Variants in CSNK1G1 observed in about 807,000 individuals in gnomAD.
The protein encoded by CSNK1G1 is casein kinase 1 gamma 1, also known as casein kinase I isoform gamma-1.
CSNK1G1 carries 22 observed loss-of-function variants against 59.6 expected under a neutral mutation model. The observed-to-expected ratio is 0.37, with a 90% confidence interval of 0.26 to 0.53. The LOEUF (loss-of-function observed/expected upper bound fraction) is 0.53, where lower values mean the gene tolerates loss of function less well. CSNK1G1 is among the 20% of genes least tolerant of loss of function. CSNK1G1 has a pLI of 0.89. For synonymous variants in CSNK1G1, 179 were observed against 177.1 expected, an observed-to-expected ratio of 1.01 and a Z score of -0.08; for missense variants, 384 against 519.5, an observed-to-expected ratio of 0.74 and a Z score of 2.54.
chr15:64,178,086 C>A (rs2081762255), intron 11 of CSNK1G1, among the ~76,000 whole-genome samples: 2 of 152,172 alleles, frequency 1.3e-5, no homozygotes, highest in Non-Finnish European at 2.9e-5. Context: ...TAAATTAAAT[C>A]AGAATGCCTG....
chr15:64,266,572 T>C (rs1022901012), intron 2 of CSNK1G1, among the ~76,000 whole-genome samples: 5 of 152,066 alleles, frequency 3.3e-5, no homozygotes, highest in Non-Finnish European at 7.4e-5. Context: ...AAAATAATCT[T>C]GGGCAAAAAG....
At chr15:64,284,501 T>C (rs998525102) in intron 2 of CSNK1G1, among the ~76,000 whole-genome samples, 5 of 152,146 alleles carry the variant, frequency 3.3e-5, no homozygotes, top group Non-Finnish European at 5.9e-5. Context: ...GACAATACTT[T>C]ATAGTTTTCA....
intron 10 of CSNK1G1, among the ~76,000 whole-genome samples, chr15:64,186,919 G>T (rs1460315013): frequency 6.6e-6 from 1 of 150,508 alleles, no homozygotes; most frequent in Non-Finnish European, 1.5e-5. Flanking sequence ...TGCCTCCCAG[G>T]TTCAAGCGTT....
At chr15:64,252,608 C>A (rs1165536421) in intron 3 of CSNK1G1, among the ~76,000 whole-genome samples, 1 of 152,140 alleles carries the variant, frequency 6.6e-6, no homozygotes, top group Non-Finnish European at 1.5e-5. Flanking sequence ...GACACGTGAA[C>A]TGTTTTCATT....
At position 64,167,110 on chromosome 15, in the gene CSNK1G1, G is replaced by T. The variant is rs768804105; in HGVS notation, c.*4821C>A. 1.3e-5 allele frequency: 2 copies of T among 152,142 alleles called. No individual in the cohort carries two copies. The highest frequency in any genetic ancestry group is 2.9e-5 in the Non-Finnish European group (2 of 68,020). The allele number at this position is 152,142 out of a possible 1,614,324, so 9.4% of individuals were successfully genotyped here. On this transcript the variant is annotated 3_prime_UTR_variant, in exon 12 of 12. Coordinates refer to ENST00000303052, the MANE Select transcript of CSNK1G1 (RefSeq NM_022048.5). Reference sequence around the variant, plus strand: ...ATCCAGGGAACCTACTCACTATTTTGAATACAATGAGAAAACTATTTTTTT... The same window carrying T: ...ATCCAGGGAACCTACTCACTATTTTTAATACAATGAGAAAACTATTTTTTT...
rs1254184249 is a variant in CSNK1G1 at position 64,216,615 on chromosome 15, G to A, written c.391C>T (p.Leu131Phe). The A allele has an allele frequency of 6.2e-7, 1 of 1,613,936 alleles. No individual in the cohort carries two copies. Among genetic ancestry groups the A allele is most frequent in the South Asian group, 1.1e-5 (1 of 91,068 alleles). Reference protein sequence around the residue: ...LGPSLEDLFDLCDRTFTLKTV... With the variant: ...LGPSLEDLFDFCDRTFTLKTV... The stretch of plus-strand genomic sequence containing the variant: ...TTCAAAGTAAATGTTCGGTCACAGA[G>A]GTCAAACAAGTCCTCCAAGCTAGGG... Residue 131 changes from leucine (L) to phenylalanine (F), a missense_variant, in exon 5 of 12, where the codon CTC (leucine) becomes TTC (phenylalanine). By Grantham distance (22) the Leu-to-Phe change is conservative. Transcript: ENST00000303052. This position sits in a 1 kb window ranked among gnomAD's most constrained non-coding sequence, Gnocchi z 4.6.
At chr15:64,189,459 C>G (rs746786101) in intron 10 of CSNK1G1, 3 of 1,285,308 alleles carry the variant, frequency 2.3e-6, no homozygotes, top group Non-Finnish European at 3.0e-6. Flanking sequence ...TCATAATGCT[C>G]AGCTGTAACA....
At chr15:64,304,314 C>T (rs1366866824) in intron 1 of CSNK1G1, among the ~76,000 whole-genome samples, 2 of 128,754 alleles carry the variant, frequency 1.6e-5, no homozygotes, top group South Asian at 2.8e-4. Context: ...ACCTGGGAGG[C>T]GGAGGGGGCA....
intron 2 of CSNK1G1, among the ~76,000 whole-genome samples, chr15:64,269,849 G>A (rs138308600): frequency 9.2e-5 from 14 of 151,504 alleles, no homozygotes; most frequent in Admixed American, 1.3e-4. Context: ...TGCCACCCAC[G>A]TTGGAGTGCA....
chr15:64,271,549 A>T (rs1893307258), intron 2 of CSNK1G1, among the ~76,000 whole-genome samples: 1 of 152,180 alleles, frequency 6.6e-6, no homozygotes, highest in Admixed American at 6.5e-5. Context: ...TTGGCCTCCC[A>T]AAGTGCTGGG....
At chr15:64,349,623 G>A (rs544406809) in intron 1 of CSNK1G1, among the ~76,000 whole-genome samples, 81 of 152,220 alleles carry the variant, frequency 5.3e-4, no homozygotes, top group Admixed American at 5.2e-3. Flanking sequence ...TATCCAGATG[G>A]CTCTCTCTTT....
At chr15:64,294,829 T>C (rs1264021043) in intron 2 of CSNK1G1, among the ~76,000 whole-genome samples, 2 of 150,214 alleles carry the variant, frequency 1.3e-5, no homozygotes, top group Non-Finnish European at 3.0e-5. Flanking sequence ...GGAGAATCGC[T>C]TGAACTCAGG....
In CSNK1G1 at chr15:64,203,119, CTA is replaced by C; in HGVS notation, c.1068_1069del (p.His356GlnfsTer16). 1 of 1,614,108 alleles carries C rather than the reference CTA, an allele frequency of 6.2e-7. No individual in the cohort carries two copies. The highest frequency in any genetic ancestry group is 8.5e-7 in the Non-Finnish European group (1 of 1,179,962). On this transcript the variant is annotated frameshift_variant, in exon 10 of 12. Coordinates refer to ENST00000303052, the MANE Select transcript of CSNK1G1 (RefSeq NM_022048.5). LOFTEE classifies it high-confidence loss of function. Reference sequence around the variant, plus strand: ...AGGCTGCTGTTGTGATGGCCGATCCCTATGTGTGTGGCTTTCTCGAGTTATTG... The same window carrying C: ...AGGCTGCTGTTGTGATGGCCGATCCCTGTGTGTGGCTTTCTCGAGTTATTG...
At chr15:64,277,603 T>TATATTA (rs1179088221) in intron 2 of CSNK1G1, among the ~76,000 whole-genome samples, 1 of 138,072 alleles carries the variant, frequency 7.2e-6, no homozygotes, top group Admixed American at 7.4e-5. Context: ...TATTTAATAA[T>TATATTA]ATATTAATAT....
At chr15:64,303,299 TAA>T (rs58473266) in intron 1 of CSNK1G1, among the ~76,000 whole-genome samples, 84 of 142,658 alleles carry the variant, frequency 5.9e-4, no homozygotes, top group Middle Eastern at 7.1e-3. Flanking sequence ...AAAATTAAAT[TAA>T]AAAAAAAAAA....
intron 1 of CSNK1G1, among the ~76,000 whole-genome samples, chr15:64,319,917 CTTTTT>C (rs148166902): frequency 3.0e-5 from 2 of 65,926 alleles, no homozygotes; most frequent in Admixed American, 2.4e-4. Context: ...TAGATCAGGG[CTTTTT>C]TTTTTTTTTT....
intron 4 of CSNK1G1, among the ~76,000 whole-genome samples, chr15:64,244,362 AAATT>A: frequency 6.9e-6 from 1 of 144,710 alleles, no homozygotes; most frequent in South Asian, 2.2e-4. Flanking sequence ...GGAAACTGAA[AAATT>A]AAAAAAAAAA....
intron 1 of CSNK1G1, among the ~76,000 whole-genome samples, chr15:64,320,248 T>C (rs1168429876): frequency 1.7e-4 from 25 of 151,286 alleles, no homozygotes; most frequent in Admixed American, 1.6e-3. Context: ...AAAAAACAAA[T>C]GCATTAATGA....
At chr15:64,293,014 A>G (rs895693165) in intron 2 of CSNK1G1, among the ~76,000 whole-genome samples, 1 of 152,184 alleles carries the variant, frequency 6.6e-6, no homozygotes, top group African/African-American at 2.4e-5. Flanking sequence ...TTGAGGATGT[A>G]TATTTTCTTA....
Sources: gnomAD v4.1 joint callset for allele counts (sites outside exome capture counted in the v4.1 genomes callset) on GRCh38, gnomAD v4.1.1 for gene constraint, Gnocchi (gnomAD v3.1) non-coding constraint, MANE v1.5 for transcripts, NCBI Gene and HGNC (gene_info 2026-07-23, HGNC 2026-07-21) for gene names.